USP43: variants seen among roughly 807,000 people sequenced by gnomAD.
The protein encoded by USP43 is ubiquitin specific peptidase 43.
In USP43, 33 loss-of-function variants were observed where a neutral mutation model predicts 90.7. That is an observed-to-expected ratio of 0.36 (90% confidence interval 0.28 to 0.49). The LOEUF (loss-of-function observed/expected upper bound fraction) is 0.49. USP43 is among the 20% of genes least tolerant of loss of function. The probability of loss-of-function intolerance (pLI) is 0.98; values close to 1 mark genes in which losing one functional copy is unlikely to be tolerated. For missense variants in USP43, 1,274 were observed against 1,476.4 expected (o/e 0.86, Z 2.25); for synonymous variants, 598 against 615.8 (o/e 0.97, Z 0.43).
At chr17:9,650,755 A>G (rs1233327629) in intron 1 of USP43, among the ~76,000 whole-genome samples, 2 of 152,184 alleles carry the variant, frequency 1.3e-5, no homozygotes, top group African/African-American at 4.8e-5. Context: ...TTTCAGGTAT[A>G]TAATGTATTA....
chr17:9,677,139 A>G (rs1380165162), intron 5 of USP43, among the ~76,000 whole-genome samples: 1 of 152,194 alleles, frequency 6.6e-6, no homozygotes, highest in Non-Finnish European at 1.5e-5. Context: ...TTCCAGCAAT[A>G]GCTACCCCTA....
At position 9,645,538 on chromosome 17, in the gene USP43, G is replaced by T; in HGVS notation, c.-95G>T. 9.1e-7 allele frequency: 1 copy of T among 1,102,898 alleles called. No homozygotes were observed. Among genetic ancestry groups the T allele is most frequent in the East Asian group, 4.6e-5 (1 of 21,916 alleles). 68.3% of individuals were successfully genotyped at this position (1,102,898 alleles called of 1,614,324 possible). On this transcript the variant is annotated 5_prime_UTR_variant, in exon 1 of 15. Coordinates refer to ENST00000285199, the MANE Select transcript of USP43 (RefSeq NM_153210.5). This position sits in a 1 kb window ranked among gnomAD's most constrained non-coding sequence, Gnocchi z 6.8. ...CCGCACACCTGGCCCGCAGGTAGCCGGCACCAGGAGCCTTAGAGAAGCTGT... is the reference window on the plus strand; with the variant it reads ...CCGCACACCTGGCCCGCAGGTAGCCTGCACCAGGAGCCTTAGAGAAGCTGT...
At position 9,701,168 on chromosome 17, in the gene USP43, T is replaced by G. The variant is rs553529691; in HGVS notation, c.1585T>G (p.Trp529Gly). ...GCGAGCGCAGGATGCCGACAGTGTG[T>G]GGCAGCAGCAGCAGGCGCATCAGCA... ...EERAQDADSV[W>G]QQQQAHQQHS... is the part of the protein sequence containing the mutation. The change falls in exon 11 of 15, where the codon TGG becomes GGG. Residue 529 changes from tryptophan (W) to glycine (G), a missense_variant. Trp to Gly is a radical substitution (Grantham distance 184). Transcript: ENST00000285199. The surrounding 1 kb of genome is among the most constrained non-coding windows in gnomAD (Gnocchi z 7.2). The G allele has an allele frequency of 1.3e-6, 2 of 1,536,882 alleles. No homozygotes were observed. The highest frequency in any genetic ancestry group is 1.3e-5 in the South Asian group (1 of 78,280).
chr17:9,683,962 C>A (rs915235091), intron 7 of USP43, among the ~76,000 whole-genome samples: 5 of 151,798 alleles, frequency 3.3e-5, no homozygotes, highest in Admixed American at 1.3e-4. Context: ...ACGGTGAAAC[C>A]CCATCTCTAC....
At chr17:9,684,155 A>T (rs1462864846) in intron 7 of USP43, among the ~76,000 whole-genome samples, 1 of 152,044 alleles carries the variant, frequency 6.6e-6, no homozygotes, top group East Asian at 1.9e-4. Context: ...TAATAAATAA[A>T]AAATAAAAAA....
chr17:9,645,880 C>A lies in USP43; in HGVS notation c.248C>A (p.Pro83His), dbSNP rs958594387. The A allele has an allele frequency of 4.1e-6, 6 of 1,447,084 alleles. No homozygotes were observed. The highest frequency in any genetic ancestry group is 3.0e-5 in the Admixed American group (1 of 33,036). The allele number at this position is 1,447,084 out of a possible 1,614,324, so 89.6% of individuals were successfully genotyped here. A position where few individuals can be genotyped will look rare whatever the true frequency, so the allele number is the denominator to read the frequency against. Residue 83 changes from proline (P) to histidine (H), a missense_variant, in exon 1 of 15, where the codon CCC becomes CAC. This residue lies in a region of USP43 where 259 missense variants were observed against 373.7 expected (regional missense o/e 0.69). Transcript: ENST00000285199. The surrounding 1 kb of genome is among the most constrained non-coding windows in gnomAD (Gnocchi z 6.8). Reference protein sequence around the residue: ...GSPGEERPPGPQPQLQLPAGD... With the variant: ...GSPGEERPPGHQPQLQLPAGD... ...CCCGGGGAGGAACGCCCGCCCGGACCCCAGCCCCAGCTCCAGCTCCCCGCC... is the reference window on the plus strand; with the variant it reads ...CCCGGGGAGGAACGCCCGCCCGGACACCAGCCCCAGCTCCAGCTCCCCGCC...
At chr17:9,679,635 C>G (rs987709643) in intron 5 of USP43, among the ~76,000 whole-genome samples, 4 of 151,212 alleles carry the variant, frequency 2.6e-5, no homozygotes, top group African/African-American at 7.3e-5. Flanking sequence ...ACACCATTCT[C>G]CTGCCTCAGC....
intron 14 of USP43, among the ~76,000 whole-genome samples, chr17:9,715,198 C>T (rs771702618): frequency 1.1e-4 from 17 of 152,302 alleles, no homozygotes; most frequent in African/African-American, 2.4e-4. Context: ...TGTCAGATCA[C>T]GCCTGGAACC....
Position 9,674,902 on chromosome 17 carries a change from C to T in USP43, c.752C>T (p.Thr251Ile), listed in dbSNP as rs1913665634. 1 of 1,613,896 alleles carries T rather than the reference C, an allele frequency of 6.2e-7. No individual in the cohort carries two copies. Among genetic ancestry groups the T allele is most frequent in the Admixed American group, 1.7e-5 (1 of 59,996 alleles). ...HFQAQYRSSL[T>I]CPHCLKQSNT... ...CTTCACCCTCACAGATCTTCCTTGA[C>T]TTGTCCCCACTGCCTGAAACAGAGC... Residue 251 changes from threonine (T) to isoleucine (I), a missense_variant, in exon 4 of 15, where the codon ACT becomes ATT. Physicochemically the swap from Thr to Ile is moderately conservative, Grantham distance 89. Around this residue, in one of 6 missense-constraint regions of USP43, gnomAD observed 259 missense variants for 373.7 expected, o/e 0.69. Coordinates refer to ENST00000285199, the MANE Select transcript of USP43 (RefSeq NM_153210.5). The surrounding 1 kb of genome is among the most constrained non-coding windows in gnomAD (Gnocchi z 4.4).
chr17:9,716,317 A>G (rs1291699316), intron 14 of USP43, among the ~76,000 whole-genome samples: 1 of 152,170 alleles, frequency 6.6e-6, no homozygotes, highest in African/African-American at 2.4e-5. Flanking sequence ...ATGTAAGTAA[A>G]GTATATTAAT....
chr17:9,685,138 G>A (rs8079769), intron 7 of USP43, among the ~76,000 whole-genome samples: 49,245 of 151,892 alleles, frequency 0.32, 9,369 homozygotes, highest in East Asian at 0.63. Context: ...AACAATGGAC[G>A]CACAGTGCCC....
chr17:9,689,742 AC>A (rs1914817504), intron 8 of USP43, among the ~76,000 whole-genome samples: 1 of 152,018 alleles, frequency 6.6e-6, no homozygotes, highest in African/African-American at 2.4e-5. Flanking sequence ...TATTTTGTAA[AC>A]GGGGGTGTGT....
At chr17:9,708,104 G>A (rs1437885632) in intron 12 of USP43, among the ~76,000 whole-genome samples, 3 of 152,216 alleles carry the variant, frequency 2.0e-5, no homozygotes, top group African/African-American at 7.2e-5. Context: ...CTCGTAGCAT[G>A]TGCAAAGGCC....
chr17:9,674,999 G>A lies in USP43; in HGVS notation c.833+16G>A, dbSNP rs944917580. 15 of 1,607,304 alleles carry A rather than the reference G, an allele frequency of 9.3e-6. No individual in the cohort carries two copies. The highest frequency in any genetic ancestry group is 3.3e-5 in the Admixed American group (2 of 59,984). Reference sequence around the variant, plus strand: ...GCCAGACGAGGTACGTGAGTGTCGCGGCTTGCCCGGTGAACTTGACTTCCA... The same window carrying A: ...GCCAGACGAGGTACGTGAGTGTCGCAGCTTGCCCGGTGAACTTGACTTCCA... On this transcript the variant is annotated intron_variant, in intron 4 of 14. Transcript: ENST00000285199. This position sits in a 1 kb window ranked among gnomAD's most constrained non-coding sequence, Gnocchi z 4.4.
chr17:9,685,634 T>C (rs551044810), intron 7 of USP43, among the ~76,000 whole-genome samples: 4 of 152,354 alleles, frequency 2.6e-5, no homozygotes, highest in African/African-American at 7.2e-5. Context: ...GGTTCTCTGA[T>C]TGGCAATTTT....
intron 13 of USP43, among the ~76,000 whole-genome samples, chr17:9,711,690 G>A (rs765195786): frequency 7.9e-5 from 12 of 152,084 alleles, no homozygotes; most frequent in Non-Finnish European, 1.6e-4. Context: ...CTCGGCCTCC[G>A]TAAGTGCTGG....
chr17:9,715,080 A>G (rs1916425045), intron 14 of USP43, among the ~76,000 whole-genome samples: 1 of 152,198 alleles, frequency 6.6e-6, no homozygotes, highest in Non-Finnish European at 1.5e-5. Context: ...ACAGCTAAGT[A>G]GGAGATAGTA....
rs529535223 is a variant in USP43, at chr17:9,709,643, G to T, written c.2012-313G>T. 2.0e-5 allele frequency among the ~76,000 whole-genome samples: 3 copies of T among 152,068 alleles called. No homozygotes were observed. Among genetic ancestry groups the T allele is most frequent in the South Asian group, 2.1e-4 (1 of 4,810 alleles). On this transcript the variant is annotated intron_variant, in intron 12 of 14. Transcript: ENST00000285199. The surrounding 1 kb of genome is among the most constrained non-coding windows in gnomAD (Gnocchi z 5.0). The stretch of plus-strand genomic sequence containing the variant: ...AGGCAGGAGAATCACTGGAACCCGG[G>T]GGGTGGAGGTTGCCGTGAGCCGAGA...
chr17:9,710,123 T>A lies in USP43; in HGVS notation c.2170+9T>A, dbSNP rs993597998. The A allele has an allele frequency of 1.3e-6, 2 of 1,492,418 alleles. No individual in the cohort carries two copies. Among genetic ancestry groups the A allele is most frequent in the Non-Finnish European group, 1.8e-6 (2 of 1,119,524 alleles). 92.4% of individuals were successfully genotyped at this position (1,492,418 alleles called of 1,614,324 possible). A position where few individuals can be genotyped will look rare whatever the true frequency, so the allele number is the denominator to read the frequency against. ...CAGCAGCTCCATGAGAGGTAGGTGC[T>A]GCTGCTCATGACAGGAGGGGGGTGT... On this transcript the variant is annotated intron_variant, in intron 13 of 14. Coordinates refer to ENST00000285199, the MANE Select transcript of USP43 (RefSeq NM_153210.5).
Sources: allele counts gnomAD v4.1 joint callset (sites outside exome capture counted in the v4.1 genomes callset), GRCh38; gene constraint gnomAD v4.1.1; regional missense constraint gnomAD v4.1.1; non-coding constraint Gnocchi (gnomAD v3.1); transcripts MANE v1.5; gene names NCBI Gene and HGNC (gene_info 2026-07-23, HGNC 2026-07-21).